TMEM161B: variants seen among roughly 807,000 people sequenced by gnomAD.
The protein encoded by TMEM161B is transmembrane protein 161B.
Under a neutral mutation model 61.8 loss-of-function variants are expected in TMEM161B, and 34 were observed. That is an observed-to-expected ratio of 0.55 (90% CI 0.42 to 0.73). The LOEUF (loss-of-function observed/expected upper bound fraction) is 0.73, where lower values mean the gene tolerates loss of function less well. TMEM161B is among the 30% of genes least tolerant of loss of function. TMEM161B has a pLI of 0.00. For missense variants in TMEM161B, 456 were observed against 558.5 expected (o/e 0.82, Z 1.85); for synonymous variants, 167 against 192.8 (o/e 0.87, Z 1.11).
At chr5:88,191,802 G>A (rs1480318039), downstream of TMEM161B, among the ~76,000 whole-genome samples, 2 of 150,352 alleles carry the variant, frequency 1.3e-5, no homozygotes, top group South Asian at 2.1e-4. Context: ...TTAAAAATAC[G>A]AAAAATTAGC....
chr5:88,263,362 C>T (rs1561434872), intron 1 of TMEM161B, among the ~76,000 whole-genome samples: 1 of 152,102 alleles, frequency 6.6e-6, no homozygotes, highest in Admixed American at 6.6e-5. Context: ...TGTTTTTAAG[C>T]AGTTATATCC....
intron 4 of TMEM161B, among the ~76,000 whole-genome samples, chr5:88,224,307 T>C (rs962286951): frequency 6.6e-6 from 1 of 152,156 alleles, no homozygotes; most frequent in Admixed American, 6.5e-5. Context: ...AGGATAGGAG[T>C]AGGGAATCTA....
chr5:88,260,252 T>C (rs952133553), intron 1 of TMEM161B, among the ~76,000 whole-genome samples: 6 of 152,214 alleles, frequency 3.9e-5, no homozygotes, highest in African/African-American at 1.4e-4. Flanking sequence ...AAACCCTTCT[T>C]GAATTCCATA....
chr5:88,191,654 T>C (rs1580280224), downstream of TMEM161B, among the ~76,000 whole-genome samples: 4 of 152,112 alleles, frequency 2.6e-5, no homozygotes, highest in Middle Eastern at 0.01. Flanking sequence ...AAATCAGTTA[T>C]CAGATTTAGA....
At chr5:88,186,725 T>A (rs1429236832), downstream of TMEM161B, among the ~76,000 whole-genome samples, 7 of 151,902 alleles carry the variant, frequency 4.6e-5, no homozygotes, top group African/African-American at 1.7e-4. Context: ...AGGTCAGAAG[T>A]TCGAGACCAG....
chr5:88,204,332 CA>C (rs1745027400), intron 8 of TMEM161B, among the ~76,000 whole-genome samples: 1 of 152,080 alleles, frequency 6.6e-6, no homozygotes, highest in African/African-American at 2.4e-5. Flanking sequence ...AATAAAACCC[CA>C]AATCCCCCAA....
At chr5:88,253,121 T>C (rs1561419860) in intron 1 of TMEM161B, among the ~76,000 whole-genome samples, 1 of 152,184 alleles carries the variant, frequency 6.6e-6, no homozygotes, top group Non-Finnish European at 1.5e-5. Flanking sequence ...CAATTCTAGC[T>C]ATTTTTATTG....
At chr5:88,214,094 A>G (rs1311622548) in intron 5 of TMEM161B, among the ~76,000 whole-genome samples, 2 of 152,188 alleles carry the variant, frequency 1.3e-5, no homozygotes, top group Non-Finnish European at 2.9e-5. Context: ...ACTTTTAATA[A>G]ACAAATCTAC....
chr5:88,241,259 T>C (rs1752694928), intron 1 of TMEM161B, among the ~76,000 whole-genome samples: 1 of 151,858 alleles, frequency 6.6e-6, no homozygotes, highest in South Asian at 2.1e-4. Flanking sequence ...GCAAATACTA[T>C]GTCATTTTAT....
At chr5:88,191,683 C>G (rs566261594), downstream of TMEM161B, among the ~76,000 whole-genome samples, 1 of 151,888 alleles carries the variant, frequency 6.6e-6, no homozygotes, top group African/African-American at 2.4e-5. Context: ...GCCGGCCAGG[C>G]GCGGTGGCCC....
downstream of TMEM161B, chr5:88,190,093 G>T (rs1044454376): frequency 1.4e-6 from 1 of 700,738 alleles, no homozygotes; most frequent in East Asian, 2.7e-5. Context: ...TTCTCAGTTC[G>T]TGTTGGATAA....
At chr5:88,236,375 A>G (rs1051664104) in intron 2 of TMEM161B, among the ~76,000 whole-genome samples, 3 of 152,180 alleles carry the variant, frequency 2.0e-5, no homozygotes, top group African/African-American at 4.8e-5. Flanking sequence ...CCTACTCCTC[A>G]TGCAAAACCC....
Position 88,195,600 on chromosome 5 carries a change from T to G in TMEM161B, c.*611A>C. 1 of 985,074 alleles carries G rather than the reference T, an allele frequency of 1.0e-6. No individual in the cohort carries two copies. The highest frequency in any genetic ancestry group is 4.7e-5 in the South Asian group (1 of 21,278). 61.0% of individuals were successfully genotyped at this position (985,074 alleles called of 1,614,324 possible). A position where few individuals can be genotyped will look rare whatever the true frequency, so the allele number is the denominator to read the frequency against. The stretch of plus-strand genomic sequence containing the variant: ...GGTGGAATATGTTTTAAAACAATAC[T>G]CTTGCTATTCTCAAGCAGCAGTAGT... On this transcript the variant is annotated 3_prime_UTR_variant, in exon 12 of 12. Transcript: ENST00000296595.
intron 1 of TMEM161B, among the ~76,000 whole-genome samples, chr5:88,243,668 CAAACTGCTTTGCACAATGG>C (rs762353455): frequency 6.6e-6 from 1 of 151,892 alleles, no homozygotes; most frequent in Non-Finnish European, 1.5e-5. Flanking sequence ...GAGAAGTCGC[CAAACTGCTTTGCACAATGG>C]CTGAACTAAT....
At chr5:88,197,563 A>T (rs1258939977) in intron 11 of TMEM161B, 106 bp downstream of exon 11, 1 of 977,468 alleles carries the variant, frequency 1.0e-6, no homozygotes, top group East Asian at 2.6e-5. Context: ...CAACTTTTAA[A>T]AAGAGAAACA....
intron 5 of TMEM161B, among the ~76,000 whole-genome samples, chr5:88,208,360 T>C (rs1745967605): frequency 6.6e-6 from 1 of 152,148 alleles, no homozygotes; most frequent in Admixed American, 6.5e-5. Context: ...CGGGCGCCTG[T>C]AGTCATAGCT....
chr5:88,217,914 A>G (rs1748200880), intron 5 of TMEM161B, among the ~76,000 whole-genome samples: 1 of 152,044 alleles, frequency 6.6e-6, no homozygotes, highest in Non-Finnish European at 1.5e-5. Flanking sequence ...AGAAAAAAAA[A>G]AAAAAACCTT....
At chr5:88,196,535 CA>C in intron 11 of TMEM161B, 47 bp from the exon 12 acceptor site, 3 of 1,497,314 alleles carry the variant, frequency 2.0e-6, no homozygotes, top group Non-Finnish European at 2.7e-6. Flanking sequence ...AACTAATTAC[CA>C]AGCTTTTTAT....
At chr5:88,211,543 T>G (rs1746763312) in intron 5 of TMEM161B, among the ~76,000 whole-genome samples, 1 of 151,934 alleles carries the variant, frequency 6.6e-6, no homozygotes, top group Non-Finnish European at 1.5e-5. Flanking sequence ...GCAGATCACC[T>G]GAGGTCAGGA....
Sources: gnomAD v4.1 joint callset for allele counts (sites outside exome capture counted in the v4.1 genomes callset) on GRCh38, gnomAD v4.1.1 for gene constraint, MANE v1.5 for transcripts, NCBI Gene and HGNC (gene_info 2026-07-23, HGNC 2026-07-21) for gene names.